Variants in NIPBL observed in about 807,000 individuals in gnomAD.
NIPBL encodes nipped-B-like protein.
Under a neutral mutation model 321.8 loss-of-function variants are expected in NIPBL, and 19 were observed. The observed-to-expected ratio is 0.06, with a 90% CI of 0.04 to 0.09. NIPBL has a LOEUF of 0.09. NIPBL is among the 10% of genes least tolerant of loss of function. The pLI, the probability that NIPBL is intolerant of heterozygous loss-of-function variation, is 1.00. For missense variants in NIPBL, 2,210 were observed against 3,327.0 expected, an observed-to-expected ratio of 0.66 and a Z score of 8.26; for synonymous variants, 1,106 against 1,114.1, an observed-to-expected ratio of 0.99 and a Z score of 0.14.
chr5:36,925,915 G>A (rs1433628659), intron 1 of NIPBL, among the ~76,000 whole-genome samples: 1 of 152,064 alleles, frequency 6.6e-6, no homozygotes, highest in Admixed American at 6.6e-5. Flanking sequence ...TCTAAGTCAT[G>A]GATTTGTTTT....
At chr5:36,905,609 G>A (rs1423859910) in intron 1 of NIPBL, among the ~76,000 whole-genome samples, 2 of 152,072 alleles carry the variant, frequency 1.3e-5, no homozygotes, top group Non-Finnish European at 2.9e-5. Flanking sequence ...TTTTGAAGAT[G>A]CCTATTCATA....
At chr5:37,006,863 G>A (rs1348808429) in intron 17 of NIPBL, among the ~76,000 whole-genome samples, 2 of 151,870 alleles carry the variant, frequency 1.3e-5, no homozygotes, top group Admixed American at 6.6e-5. Context: ...ACCCAAAATA[G>A]CAGTTGTCTA....
intron 37 of NIPBL, 90 bp downstream of exon 37, chr5:37,045,687 A>C: frequency 7.6e-7 from 1 of 1,311,634 alleles, no homozygotes; most frequent in Non-Finnish European, 1.1e-6. Flanking sequence ...GGATGAAGGC[A>C]ACATTAGAGT....
At chr5:36,969,005 A>G (rs1742553430) in intron 6 of NIPBL, among the ~76,000 whole-genome samples, 2 of 152,202 alleles carry the variant, frequency 1.3e-5, no homozygotes, top group South Asian at 4.1e-4. Flanking sequence ...AATGAAATCA[A>G]TTGCATTTTT....
chr5:37,023,970 A>G (rs561067598), intron 29 of NIPBL, among the ~76,000 whole-genome samples: 1 of 151,958 alleles, frequency 6.6e-6, no homozygotes, highest in African/African-American at 2.4e-5. Context: ...GTTCAAGACC[A>G]GCCTGACAAC....
chr5:37,000,617 T>C, intron 12 of NIPBL, 47 bp downstream of exon 12: 1 of 1,575,428 alleles, frequency 6.3e-7, no homozygotes, highest in Non-Finnish European at 8.7e-7. Flanking sequence ...CAATTTAAAT[T>C]TAGGGCTTTA....
chr5:37,043,050 A>G (rs978226559), intron 34 of NIPBL, among the ~76,000 whole-genome samples: 7 of 152,148 alleles, frequency 4.6e-5, no homozygotes, highest in African/African-American at 1.4e-4. Context: ...GTTTTTTTAA[A>G]CATGCTTATT....
rs1554029647 is a variant in NIPBL at position 37,036,367 on chromosome 5, ATG to A, written c.5863-10_5863-9del. ...TATATGTATATATATATATATATAT[ATG>A]TATATATAGTTGTTGAAGTCCGAAG... On this transcript the variant is annotated splice_polypyrimidine_tract_variant and intron_variant, in intron 32 of 46. Transcript: ENST00000282516. The A allele has an allele frequency of 1.9e-5, 12 of 615,818 alleles. No individual in the cohort carries two copies. The highest frequency in any genetic ancestry group is 4.8e-5 in the East Asian group (1 of 20,726). 38.1% of individuals were successfully genotyped at this position (615,818 alleles called of 1,614,324 possible).
chr5:36,884,686 A>G (rs987669453), intron 1 of NIPBL, among the ~76,000 whole-genome samples: 1 of 152,168 alleles, frequency 6.6e-6, no homozygotes, highest in Non-Finnish European at 1.5e-5. Context: ...TATTCAATAT[A>G]TATTTGTTGT....
intron 1 of NIPBL, among the ~76,000 whole-genome samples, chr5:36,877,726 A>T (rs974127614): frequency 6.6e-6 from 1 of 152,238 alleles, no homozygotes; most frequent in Non-Finnish European, 1.5e-5. Context: ...GTAAATACTC[A>T]GACGCGGATC....
intron 6 of NIPBL, among the ~76,000 whole-genome samples, chr5:36,968,114 A>AAAAAC: frequency 6.6e-6 from 1 of 151,034 alleles, no homozygotes; most frequent in Non-Finnish European, 1.5e-5. Flanking sequence ...AAAAAAAACA[A>AAAAAC]AAAACAAAAA....
intron 24 of NIPBL, among the ~76,000 whole-genome samples, chr5:37,018,800 C>T (rs1749287252): frequency 6.6e-6 from 1 of 152,032 alleles, no homozygotes; most frequent in Admixed American, 6.6e-5. Context: ...CCTATGAGCT[C>T]TTTTTTTAAA....
chr5:37,000,695 A>AT, intron 12 of NIPBL, 122 bp from the exon 13 acceptor site: 1 of 1,266,186 alleles, frequency 7.9e-7, no homozygotes, highest in East Asian at 2.5e-5. Context: ...AAAAATACTT[A>AT]GTTTCTATGT....
At chr5:36,904,038 A>G (rs1341829698) in intron 1 of NIPBL, among the ~76,000 whole-genome samples, 1 of 152,258 alleles carries the variant, frequency 6.6e-6, no homozygotes, top group Non-Finnish European at 1.5e-5. Context: ...TCTTACACAT[A>G]CCACATACTG....
intron 1 of NIPBL, among the ~76,000 whole-genome samples, chr5:36,937,297 CAT>C (rs1738538835): frequency 6.6e-6 from 1 of 152,156 alleles, no homozygotes; most frequent in Non-Finnish European, 1.5e-5. Flanking sequence ...ATTAATAAAA[CAT>C]GTACTTCTGC....
chr5:37,034,830 T>C (rs1005400346), intron 32 of NIPBL, among the ~76,000 whole-genome samples: 2 of 152,354 alleles, frequency 1.3e-5, no homozygotes, highest in Admixed American at 6.5e-5. Context: ...GGATTCAAAG[T>C]ATGCCATTAT....
chr5:37,042,767 A>AG lies in NIPBL; in HGVS notation c.6109-1579dup, dbSNP rs375636549. On this transcript the variant is annotated intron_variant, in intron 34 of 46. Transcript: ENST00000282516. ...CTTGAACTCAGGAGGCGGAGGTTGC[A>AG]GTGAGCCAAGATCGCGCCACTGCAT... Among the ~76,000 whole-genome samples the AG allele has an allele frequency of 1.8e-3, 271 of 151,870 alleles. 1 individual carries two copies. The highest frequency in any genetic ancestry group is 6.4e-3 in the African/African-American group (264 of 41,438).
At chr5:36,993,256 A>C (rs1001135612) in intron 10 of NIPBL, among the ~76,000 whole-genome samples, 5 of 152,248 alleles carry the variant, frequency 3.3e-5, no homozygotes, top group East Asian at 1.9e-4. Context: ...GAGCACCTTC[A>C]GAAATAAAAC....
intron 40 of NIPBL, 42 bp downstream of exon 40, chr5:37,049,343 G>A (rs1157115798): frequency 6.3e-7 from 1 of 1,586,558 alleles, no homozygotes; most frequent in Non-Finnish European, 8.7e-7. Context: ...AAAAGAGCAA[G>A]ATTAGTTGTA....
Sources: gnomAD v4.1 joint callset for allele counts (sites outside exome capture counted in the v4.1 genomes callset) on GRCh38, gnomAD v4.1.1 for gene constraint, MANE v1.5 for transcripts, NCBI Gene and HGNC (gene_info 2026-07-23, HGNC 2026-07-21) for gene names.